PLD5: variants seen among roughly 807,000 people sequenced by gnomAD.
The protein encoded by PLD5 is phospholipase D family member 5, also known as inactive phospholipase D5.
PLD5 carries 36 observed loss-of-function variants against 61.1 expected under a neutral mutation model. The observed-to-expected ratio is 0.59, with a 90% CI of 0.45 to 0.78. The LOEUF (loss-of-function observed/expected upper bound fraction) is 0.78. Ranked by LOEUF, PLD5 falls within the 30% of genes least tolerant of loss-of-function variation. The pLI is 0.00. For synonymous variants in PLD5, 243 were observed against 242.8 expected (o/e 1.00, Z -0.01); for missense variants, 515 against 644.4 (o/e 0.80, Z 2.17).
chr1:242,106,761 G>A (rs777745547), intron 8 of PLD5, among the ~76,000 whole-genome samples: 7 of 152,160 alleles, frequency 4.6e-5, no homozygotes, highest in Admixed American at 1.3e-4. Context: ...ATGCAGCTTC[G>A]TTACCTAGAA....
chr1:242,203,156 G>A (rs2800763), intron 5 of PLD5, among the ~76,000 whole-genome samples: 2,918 of 147,600 alleles, frequency 0.02, 98 homozygotes, highest in African/African-American at 0.068. Context: ...ACCCGCCCCC[G>A]CCACCTATGA....
At chr1:242,433,779 T>C (rs1247184411) in intron 1 of PLD5, among the ~76,000 whole-genome samples, 2 of 152,096 alleles carry the variant, frequency 1.3e-5, no homozygotes, top group African/African-American at 4.8e-5. Flanking sequence ...GACGTTTCAG[T>C]AGTGGCCTCA....
At chr1:242,423,084 C>G (rs1665235868) in intron 1 of PLD5, among the ~76,000 whole-genome samples, 1 of 152,056 alleles carries the variant, frequency 6.6e-6, no homozygotes, top group Admixed American at 6.6e-5. Flanking sequence ...CTCCTGGGCT[C>G]AAGCAATCCT....
rs1055861430 is a variant in PLD5, at chr1:242,242,048, T to C, written c.608-21933A>G. On this transcript the variant is annotated intron_variant, in intron 4 of 9. Transcript: ENST00000536534. ...ACACACACACACACACACACACATA[T>C]GGTTGATGGAGAGAAGGATGTGGAG... Among the ~76,000 whole-genome samples, 30 of 119,086 alleles carry C rather than the reference T, an allele frequency of 2.5e-4. 1 individual carries two copies. Among genetic ancestry groups the C allele is most frequent in the East Asian group, 2.4e-3 (9 of 3,710 alleles). 78.1% of individuals were successfully genotyped at this position (119,086 alleles called of 152,430 possible).
At chr1:242,098,283 T>C (rs1322247126) in intron 9 of PLD5, among the ~76,000 whole-genome samples, 2 of 152,226 alleles carry the variant, frequency 1.3e-5, no homozygotes, top group Admixed American at 6.5e-5. Context: ...TTCTCTAAAC[T>C]TCTCTTCTCG....
intron 7 of PLD5, among the ~76,000 whole-genome samples, chr1:242,109,306 C>T (rs1187311610): frequency 2.0e-5 from 3 of 152,130 alleles, no homozygotes; most frequent in Non-Finnish European, 2.9e-5. Context: ...GGTGAAACCC[C>T]GTCTCTAATA....
intron 1 of PLD5, chr1:242,449,618 CT>C: frequency 9.8e-7 from 1 of 1,018,192 alleles, no homozygotes; most frequent in Non-Finnish European, 1.4e-6. Context: ...ACATAGGCCC[CT>C]CATTTAGCAT....
chr1:242,150,359 C>A (rs938937111), intron 5 of PLD5, among the ~76,000 whole-genome samples: 3 of 151,724 alleles, frequency 2.0e-5, no homozygotes, highest in African/African-American at 7.2e-5. Context: ...TATATCCTTA[C>A]TGATTTTCTC....
chr1:242,279,292 C>T (rs1272838519), intron 3 of PLD5, among the ~76,000 whole-genome samples: 3 of 152,124 alleles, frequency 2.0e-5, no homozygotes, highest in Non-Finnish European at 2.9e-5. Context: ...TTTATTAGAC[C>T]GGGATGGTTT....
chr1:242,268,215 A>G (rs1296665706), intron 3 of PLD5, among the ~76,000 whole-genome samples: 1 of 152,116 alleles, frequency 6.6e-6, no homozygotes, highest in Non-Finnish European at 1.5e-5. Context: ...TGATGTGTGC[A>G]TGGCCCAGAT....
At chr1:242,162,519 A>C (rs956094425) in intron 5 of PLD5, among the ~76,000 whole-genome samples, 4 of 152,176 alleles carry the variant, frequency 2.6e-5, no homozygotes, top group Non-Finnish European at 5.9e-5. Context: ...CAGTGTCTGC[A>C]TTTATTGCCT....
upstream of PLD5, among the ~76,000 whole-genome samples, chr1:242,527,131 T>C (rs1257369710): frequency 2.6e-5 from 3 of 115,066 alleles, no homozygotes; most frequent in Non-Finnish European, 5.2e-5. Context: ...TTTTTTTTTT[T>C]TTTTTTTTTT....
intron 4 of PLD5, among the ~76,000 whole-genome samples, chr1:242,242,152 G>C (rs191826726): frequency 6.6e-6 from 1 of 151,786 alleles, no homozygotes; most frequent in Admixed American, 6.6e-5. Context: ...CTGGCACATT[G>C]TAAGAATGCA....
intron 1 of PLD5, among the ~76,000 whole-genome samples, chr1:242,388,673 A>G (rs1472726389): frequency 1.3e-5 from 2 of 152,150 alleles, no homozygotes; most frequent in Non-Finnish European, 1.5e-5. Flanking sequence ...TGGCTGACTG[A>G]GACGGTAAGG....
At chr1:242,160,776 TCTGGAGG>T (rs1426837050) in intron 5 of PLD5, among the ~76,000 whole-genome samples, 17 of 152,156 alleles carry the variant, frequency 1.1e-4, no homozygotes, top group African/African-American at 4.1e-4. Flanking sequence ...TCCCAGCTAC[TCTGGAGG>T]CTGAGGCAGG....
intron 2 of PLD5, among the ~76,000 whole-genome samples, chr1:242,305,804 C>T (rs1018846558): frequency 6.6e-6 from 1 of 152,176 alleles, no homozygotes; most frequent in African/African-American, 2.4e-5. Flanking sequence ...TCATGACCCG[C>T]CCGCCTCGGC....
intron 5 of PLD5, among the ~76,000 whole-genome samples, chr1:242,207,816 T>TTTA (rs1558343845): frequency 2.6e-5 from 1 of 39,106 alleles, no homozygotes; most frequent in Non-Finnish European, 4.2e-5. Context: ...ATATTTATAT[T>TTTA]TATATATTTA....
At chr1:242,194,120 G>A (rs915550923) in intron 5 of PLD5, among the ~76,000 whole-genome samples, 38 of 152,236 alleles carry the variant, frequency 2.5e-4, no homozygotes, top group Non-Finnish European at 4.1e-4. Flanking sequence ...AGGGGGAAAC[G>A]CAAGCTCCCC....
intron 1 of PLD5, among the ~76,000 whole-genome samples, chr1:242,494,014 T>G (rs1031479076): frequency 6.6e-6 from 1 of 152,136 alleles, no homozygotes; most frequent in African/African-American, 2.4e-5. Flanking sequence ...TCACCATCTC[T>G]AATAATTGCA....
Sources: gnomAD v4.1 joint callset for allele counts (sites outside exome capture counted in the v4.1 genomes callset) on GRCh38, gnomAD v4.1.1 for gene constraint, MANE v1.5 for transcripts, NCBI Gene and HGNC (gene_info 2026-07-23, HGNC 2026-07-21) for gene names.